Variants in ANKS1B observed in about 807,000 individuals in gnomAD.
The protein encoded by ANKS1B is ankyrin repeat and sterile alpha motif domain-containing protein 1B.
In ANKS1B, 36 loss-of-function variants were observed where a neutral mutation model predicts 148.3. The ratio of observed to expected loss-of-function variants is 0.24; its 90% CI spans 0.19 to 0.32. The LOEUF (loss-of-function observed/expected upper bound fraction) is 0.32. Ranked by LOEUF, ANKS1B falls within the 10% of genes least tolerant of loss-of-function variation. The pLI, the probability that ANKS1B is intolerant of heterozygous loss-of-function variation, is 1.00. For synonymous variants in ANKS1B, 542 were observed against 560.8 expected, an observed-to-expected ratio of 0.97 and a Z score of 0.47; for missense variants, 1,157 against 1,542.6, an observed-to-expected ratio of 0.75 and a Z score of 4.19.
chr12:99,801,332 T>C (rs1222540410), intron 4 of ANKS1B, among the ~76,000 whole-genome samples: 1 of 151,960 alleles, frequency 6.6e-6, no homozygotes, highest in Non-Finnish European at 1.5e-5. Context: ...AAGTCACCAG[T>C]GAACTAAATG....
intron 9 of ANKS1B, among the ~76,000 whole-genome samples, chr12:99,574,478 C>A (rs568912667): frequency 6.6e-6 from 1 of 152,132 alleles, no homozygotes; most frequent in South Asian, 2.1e-4. Context: ...ATCAGACAGA[C>A]TTTAATGAAA....
At chr12:99,523,101 C>T (rs928521068) in intron 9 of ANKS1B, among the ~76,000 whole-genome samples, 88 of 152,288 alleles carry the variant, frequency 5.8e-4, no homozygotes, top group African/African-American at 1.9e-3. Context: ...ACTGAATTTG[C>T]TTCCTAGCAC....
At chr12:98,980,502 G>A (rs760622512) in intron 17 of ANKS1B, among the ~76,000 whole-genome samples, 30 of 152,260 alleles carry the variant, frequency 2.0e-4, no homozygotes, top group Non-Finnish European at 2.9e-4. Flanking sequence ...CACCGCGCCC[G>A]GCCGCACATA....
rs539582247 is a variant in ANKS1B at position 99,150,437 on chromosome 12, C to G, written c.2526+3852G>C. 2.0e-5 allele frequency among the ~76,000 whole-genome samples: 3 copies of G among 152,132 alleles called. 1 individual carries two copies. The South Asian group carries it at 6.2e-4, about 32-fold the overall frequency. Reference sequence around the variant, plus strand: ...TGAGTTCAGGAGAAAAGAGCCTGTTCTGTACTGCAGCCATTAAAGAAAGCT... The same window carrying G: ...TGAGTTCAGGAGAAAAGAGCCTGTTGTGTACTGCAGCCATTAAAGAAAGCT... On this transcript the variant is annotated intron_variant, in intron 15 of 26. Transcript: ENST00000683438.
chr12:99,835,227 C>G (rs1246586487), intron 1 of ANKS1B, among the ~76,000 whole-genome samples: 1 of 92,466 alleles, frequency 1.1e-5, no homozygotes, highest in Non-Finnish European at 2.1e-5. Context: ...GCCTGGGCAA[C>G]AAGGTGAAAC....
Position 99,164,187 on chromosome 12 carries a change from A to AT in ANKS1B, c.2420-9793dup, listed in dbSNP as rs144239084. Among the ~76,000 whole-genome samples, 1,009 of 152,104 alleles carry AT rather than the reference A, an allele frequency of 6.6e-3. 46 individuals are homozygous for AT. The East Asian group carries it at 0.11, about 17-fold the overall frequency. ...TAGGAATTTGTTGGACTTTTTATCA[A>AT]TTTTTTTATGGATCATGTTTTTGGT... On this transcript the variant is annotated intron_variant, in intron 14 of 26. Transcript: ENST00000683438.
chr12:99,961,102 G>A (rs542586740), intron 1 of ANKS1B, among the ~76,000 whole-genome samples: 60 of 152,188 alleles, frequency 3.9e-4, no homozygotes, highest in African/African-American at 1.2e-3. Context: ...GGTGACAGGC[G>A]CCTGTAGTCT....
chr12:99,889,804 G>C (rs948946902), intron 1 of ANKS1B, among the ~76,000 whole-genome samples: 2 of 152,162 alleles, frequency 1.3e-5, no homozygotes, highest in Non-Finnish European at 2.9e-5. Context: ...AGTAGCTTAA[G>C]AAGCATATTA....
At chr12:99,958,162 G>A (rs2095351649) in intron 1 of ANKS1B, among the ~76,000 whole-genome samples, 2 of 151,560 alleles carry the variant, frequency 1.3e-5, no homozygotes, top group South Asian at 2.1e-4. Context: ...AGGGAAAGAC[G>A]GACATTCTGG....
chr12:99,179,080 T>C (rs1408058521), intron 14 of ANKS1B, among the ~76,000 whole-genome samples: 1 of 152,162 alleles, frequency 6.6e-6, no homozygotes, highest in Non-Finnish European at 1.5e-5. Context: ...CTAGATCAAA[T>C]ACATATTATG....
intron 26 of ANKS1B, among the ~76,000 whole-genome samples, chr12:98,747,323 A>G (rs889236913): frequency 1.3e-5 from 2 of 152,246 alleles, no homozygotes; most frequent in Admixed American, 1.3e-4. Flanking sequence ...GACGACATAC[A>G]AACGGCCAAC....
Position 99,895,267 on chromosome 12 carries a change from T to C in ANKS1B, c.135-69878A>G, listed in dbSNP as rs922605622. ...GGAATTTTGTCATCAGACTGAAATA[T>C]GTATTAGTCAGGGTTCTCCAGAGAA... On this transcript the variant is annotated intron_variant, in intron 1 of 26. Coordinates refer to ENST00000683438, the MANE Select transcript of ANKS1B (RefSeq NM_001352186.2). 4.0e-5 allele frequency among the ~76,000 whole-genome samples: 6 copies of C among 149,524 alleles called. No homozygotes were observed. The South Asian group carries it at 1.3e-3, about 32-fold the overall frequency.
intron 17 of ANKS1B, among the ~76,000 whole-genome samples, chr12:98,947,374 G>C (rs548552717): frequency 6.6e-6 from 1 of 151,912 alleles, no homozygotes; most frequent in South Asian, 2.1e-4. Context: ...TGATGAAGGT[G>C]GTGAGCAGTG....
chr12:98,835,334 C>T (rs1007074811), intron 17 of ANKS1B, among the ~76,000 whole-genome samples: 5 of 152,136 alleles, frequency 3.3e-5, no homozygotes, highest in African/African-American at 9.7e-5. Context: ...GTGAGAATAA[C>T]CAGCATAGTG....
At chr12:98,819,341 G>A (rs2099166186) in intron 19 of ANKS1B, among the ~76,000 whole-genome samples, 1 of 152,208 alleles carries the variant, frequency 6.6e-6, no homozygotes, top group African/African-American at 2.4e-5. Flanking sequence ...GGGGAACCAG[G>A]ATGCTGTACG....
At position 99,315,929 on chromosome 12, in the gene ANKS1B, T is replaced by C. The variant is rs185433544; in HGVS notation, c.1757-69065A>G. Among the ~76,000 whole-genome samples, 24 of 152,296 alleles carry C rather than the reference T, an allele frequency of 1.6e-4. No individual in the cohort carries two copies. The East Asian group carries it at 4.4e-3, about 28-fold the overall frequency. On this transcript the variant is annotated intron_variant, in intron 12 of 26. Transcript: ENST00000683438. ...AATGAGAACATGTGGTGTTTGGTTT[T>C]CTGTCCTTGCAATACTTTGCTCAGA...
intron 2 of ANKS1B, among the ~76,000 whole-genome samples, chr12:99,815,456 T>G (rs2068979801): frequency 6.6e-6 from 1 of 151,846 alleles, no homozygotes; most frequent in Non-Finnish European, 1.5e-5. Flanking sequence ...TTTTAATAAA[T>G]AAATATTTTG....
intron 11 of ANKS1B, 63 bp downstream of exon 11, chr12:99,443,610 G>A (rs2095586599): frequency 9.0e-6 from 14 of 1,547,214 alleles, no homozygotes; most frequent in Non-Finnish European, 1.2e-5. Context: ...TATAAGTGAT[G>A]TACATGCATT....
chr12:98,914,075 C>T (rs944701474), intron 17 of ANKS1B, among the ~76,000 whole-genome samples: 24 of 152,220 alleles, frequency 1.6e-4, no homozygotes, highest in South Asian at 8.3e-4. Context: ...TTGTAATCCC[C>T]GGTGTTGGAG....
Sources: allele counts gnomAD v4.1 joint callset (sites outside exome capture counted in the v4.1 genomes callset), GRCh38; gene constraint gnomAD v4.1.1; transcripts MANE v1.5; gene names NCBI Gene and HGNC (gene_info 2026-07-23, HGNC 2026-07-21).